VWDE: variants seen among roughly 807,000 people sequenced by gnomAD.
VWDE encodes von Willebrand factor D and EGF domains.
In VWDE, 207 loss-of-function variants were observed where a neutral mutation model predicts 178.4. That is an observed-to-expected ratio of 1.16 (90% CI 1.04 to 1.30). The LOEUF (loss-of-function observed/expected upper bound fraction) is 1.30, where lower values mean the gene tolerates loss of function less well. Ranked by LOEUF, VWDE falls within the 50% of genes most tolerant of loss-of-function variation. VWDE has a pLI of 0.00. For synonymous variants in VWDE, 738 were observed against 651.4 expected, an observed-to-expected ratio of 1.13 and a Z score of -2.02; for missense variants, 2,287 against 1,901.3, an observed-to-expected ratio of 1.20 and a Z score of -3.77.
Position 12,333,522 on chromosome 7 carries a change from G to C in VWDE, c.4701C>G (p.Pro1567=). Residue 1567 remains proline, a synonymous_variant, in exon 28 of 29, where the codon CCC becomes CCG. Coordinates refer to ENST00000275358, the MANE Select transcript of VWDE (RefSeq NM_001135924.3). ...KCLYGGRCIF[P]NVCSCRTEYS... Reference sequence around the variant, plus strand: ...ATTCAGTGCGGCAGGAACACACATTGGGAAATATGCATCTGCCTCCATAAA... The same window carrying C: ...ATTCAGTGCGGCAGGAACACACATTCGGAAATATGCATCTGCCTCCATAAA... 1.9e-6 allele frequency: 3 copies of C among 1,551,132 alleles called. No individual in the cohort carries two copies. Among genetic ancestry groups the C allele is most frequent in the Non-Finnish European group, 2.6e-6 (3 of 1,146,628 alleles).
Position 12,331,093 on chromosome 7 carries a change from C to T in VWDE, c.*90G>A. The T allele has an allele frequency of 1.9e-6, 2 of 1,027,238 alleles. No homozygotes were observed. Among genetic ancestry groups the T allele is most frequent in the South Asian group, 1.6e-5 (1 of 63,306 alleles). The allele number at this position is 1,027,238 out of a possible 1,614,324, so 63.6% of individuals were successfully genotyped here. A position where few individuals can be genotyped will look rare whatever the true frequency, so the allele number is the denominator to read the frequency against. ...TTTAAGATATTTTTTGAATGATGTTCAAATAAACTCCAAGTTATCTCCAAC... is the reference window on the plus strand; with the variant it reads ...TTTAAGATATTTTTTGAATGATGTTTAAATAAACTCCAAGTTATCTCCAAC... On this transcript the variant is annotated 3_prime_UTR_variant, in exon 29 of 29. Transcript: ENST00000275358.
At chr7:12,402,015 C>G (rs1156894168) in intron 1 of VWDE, among the ~76,000 whole-genome samples, 2 of 152,128 alleles carry the variant, frequency 1.3e-5, no homozygotes, top group African/African-American at 4.8e-5. Flanking sequence ...CTTGATAATA[C>G]TGTGCTAGAT....
At chr7:12,396,455 A>C (rs1784630568) in intron 1 of VWDE, among the ~76,000 whole-genome samples, 1 of 152,194 alleles carries the variant, frequency 6.6e-6, no homozygotes. Context: ...AATTTCAAGT[A>C]TTTTTTTAGT....
chr7:12,336,283 A>T (rs1450310081), intron 26 of VWDE, 47 bp from the exon 27 acceptor site: 19 of 1,469,356 alleles, frequency 1.3e-5, no homozygotes, highest in Non-Finnish European at 1.7e-5. Context: ...TTACTAGTCA[A>T]ATCCTATCCA....
At chr7:12,379,903 C>T (rs1783749254) in intron 5 of VWDE, among the ~76,000 whole-genome samples, 1 of 151,964 alleles carries the variant, frequency 6.6e-6, no homozygotes, top group Admixed American at 6.6e-5. Flanking sequence ...GACCATCTGG[C>T]CAACATTGTG....
intron 13 of VWDE, among the ~76,000 whole-genome samples, chr7:12,363,760 T>C (rs1782706017): frequency 6.6e-6 from 1 of 152,030 alleles, no homozygotes; most frequent in Non-Finnish European, 1.5e-5. Flanking sequence ...GCTTCAACTC[T>C]TAGAACTATA....
chr7:12,349,149 C>T (rs1026678498), intron 19 of VWDE, among the ~76,000 whole-genome samples: 8 of 151,872 alleles, frequency 5.3e-5, no homozygotes, highest in African/African-American at 7.3e-5. Context: ...GTGGGTGCAG[C>T]GCACCAGCAT....
At chr7:12,338,892 T>A (rs73292382) in intron 24 of VWDE, among the ~76,000 whole-genome samples, 2,840 of 152,294 alleles carry the variant, frequency 0.019, 83 homozygotes, top group African/African-American at 0.064. Flanking sequence ...CTTTTAAAAT[T>A]CTATAGTGCA....
chr7:12,399,535 A>G (rs1326481276), intron 1 of VWDE, among the ~76,000 whole-genome samples: 5 of 152,202 alleles, frequency 3.3e-5, no homozygotes, highest in Non-Finnish European at 7.4e-5. Context: ...AGGCAGCATA[A>G]TATAAATTAG....
At chr7:12,345,716 C>T (rs996122608) in intron 19 of VWDE, among the ~76,000 whole-genome samples, 1 of 152,094 alleles carries the variant, frequency 6.6e-6, no homozygotes, top group African/African-American at 2.4e-5. Flanking sequence ...AGCTACTGTT[C>T]TTCACAGAAA....
intron 9 of VWDE, among the ~76,000 whole-genome samples, 169 bp downstream of exon 9, chr7:12,374,520 C>CA (rs370469427): frequency 2.0e-5 from 3 of 152,006 alleles, no homozygotes; most frequent in African/African-American, 7.2e-5. Context: ...GATTTTAAGG[C>CA]AAAAAATTCT....
At position 12,369,766 on chromosome 7, in the gene VWDE, T is replaced by C. The variant is rs1160735179; in HGVS notation, c.2540A>G (p.Asp847Gly). The change falls in exon 12 of 29, where the codon GAT becomes GGT. Residue 847 changes from aspartate to glycine, a missense_variant. Coordinates refer to ENST00000275358, the MANE Select transcript of VWDE (RefSeq NM_001135924.3). ...MCVKDVLLKD[D>G]LSWAEAGVAL... Reference sequence around the variant, plus strand: ...CACACCTGCTTCTGCCCAACTAAGATCATCTTTTAACAGAACATCCTTCAC... The same window carrying C: ...CACACCTGCTTCTGCCCAACTAAGACCATCTTTTAACAGAACATCCTTCAC... 1 of 1,551,582 alleles carries C rather than the reference T, an allele frequency of 6.4e-7. No homozygotes were observed. The highest frequency in any genetic ancestry group is 8.7e-7 in the Non-Finnish European group (1 of 1,146,916).
Position 12,380,546 on chromosome 7 carries a change from G to C in VWDE, c.729C>G (p.Thr243=), listed in dbSNP as rs148440980. 299 of 1,552,024 alleles carry C rather than the reference G, an allele frequency of 1.9e-4. 1 individual carries two copies. The East Asian group carries it at 6.8e-3, about 36-fold the overall frequency. The change falls in exon 5 of 29, where the codon ACC becomes ACG. Residue 243 remains threonine (T), a synonymous_variant. Coordinates refer to ENST00000275358, the MANE Select transcript of VWDE (RefSeq NM_001135924.3). ...QEVKEELTQE[T]TVQAFSLLEL... Reference sequence around the variant, plus strand: ...CTAAAAGAGAGAATGCCTGAACTGTGGTCTCTTGTGTCAGCTCCTCTTTGA... The same window carrying C: ...CTAAAAGAGAGAATGCCTGAACTGTCGTCTCTTGTGTCAGCTCCTCTTTGA...
intron 12 of VWDE, among the ~76,000 whole-genome samples, chr7:12,368,569 G>A (rs1336201215): frequency 6.6e-6 from 1 of 152,120 alleles, no homozygotes. Context: ...GGAGAAGAAT[G>A]CTAGATGAAT....
At chr7:12,392,640 T>C (rs1175079352) in intron 2 of VWDE, among the ~76,000 whole-genome samples, 1 of 152,276 alleles carries the variant, frequency 6.6e-6, no homozygotes, top group East Asian at 1.9e-4. Context: ...AATCACACTT[T>C]ATGTTTTTTC....
chr7:12,345,912 C>G (rs1162161110), intron 19 of VWDE, among the ~76,000 whole-genome samples: 3 of 152,040 alleles, frequency 2.0e-5, no homozygotes, highest in East Asian at 1.9e-4. Flanking sequence ...AGGAGTAAAT[C>G]TTGTACTAAT....
chr7:12,397,903 A>G (rs1315168920), intron 1 of VWDE, among the ~76,000 whole-genome samples: 2 of 152,190 alleles, frequency 1.3e-5, no homozygotes, highest in Admixed American at 6.5e-5. Flanking sequence ...TAAAAAGTCA[A>G]AAAACAACAG....
chr7:12,399,021 C>T (rs1784756889), intron 1 of VWDE, among the ~76,000 whole-genome samples: 1 of 151,998 alleles, frequency 6.6e-6, no homozygotes, highest in Non-Finnish European at 1.5e-5. Flanking sequence ...AACAAACCTG[C>T]ACATGTACTC....
At chr7:12,335,351 T>C (rs769827988) in intron 27 of VWDE, among the ~76,000 whole-genome samples, 1 of 152,212 alleles carries the variant, frequency 6.6e-6, no homozygotes. Flanking sequence ...ATTTCATCTA[T>C]GTAGAAATTT....
Sources: allele counts gnomAD v4.1 joint callset (sites outside exome capture counted in the v4.1 genomes callset), GRCh38; gene constraint gnomAD v4.1.1; transcripts MANE v1.5; gene names NCBI Gene and HGNC (gene_info 2026-07-23, HGNC 2026-07-21).